KDM4B: variants seen among roughly 807,000 people sequenced by gnomAD.
The protein encoded by KDM4B is lysine-specific demethylase 4B.
In KDM4B, 32 loss-of-function variants were observed where a neutral mutation model predicts 125.2. The ratio of observed to expected loss-of-function variants is 0.26; its 90% CI spans 0.19 to 0.34. The LOEUF (loss-of-function observed/expected upper bound fraction) is 0.34. KDM4B is among the 10% of genes least tolerant of loss of function. The probability of loss-of-function intolerance (pLI) is 1.00; values close to 1 mark genes in which losing one functional copy is unlikely to be tolerated. For synonymous variants in KDM4B, 721 were observed against 677.9 expected, an observed-to-expected ratio of 1.06 and a Z score of -0.99; for missense variants, 1,190 against 1,577.7, an observed-to-expected ratio of 0.75 and a Z score of 4.16.
intron 3 of KDM4B, among the ~76,000 whole-genome samples, chr19:5,036,651 T>C (rs1251260877): frequency 1.3e-5 from 2 of 152,210 alleles, no homozygotes; most frequent in Non-Finnish European, 2.9e-5. Context: ...TGGCCTCAGC[T>C]GAATCTGGCC....
At chr19:5,056,574 T>A (rs1011613347) in intron 6 of KDM4B, among the ~76,000 whole-genome samples, 5 of 152,042 alleles carry the variant, frequency 3.3e-5, no homozygotes, top group African/African-American at 1.2e-4. Flanking sequence ...TTTGGCTGAT[T>A]TTTGTATTTT....
intron 6 of KDM4B, among the ~76,000 whole-genome samples, chr19:5,066,120 G>A (rs2037762187): frequency 2.0e-5 from 3 of 152,264 alleles, no homozygotes; most frequent in Non-Finnish European, 4.4e-5. Flanking sequence ...AGCCTCAGTT[G>A]CTCTCTGCTT....
At chr19:5,119,117 G>A in intron 10 of KDM4B, 1 of 1,520,582 alleles carries the variant, frequency 6.6e-7, no homozygotes, top group Non-Finnish European at 8.8e-7. Context: ...TTACATTCTA[G>A]ACAAATTAGT....
chr19:5,077,795 G>A lies in KDM4B; in HGVS notation c.780+325G>A, dbSNP rs907362710. ...GGCAGGGGCAGGCCCTGCTGACCTG[G>A]CAGGAAGCTGCCAAAGAAACAGAGG... On this transcript the variant is annotated intron_variant, in intron 8 of 22. Coordinates refer to ENST00000159111, the MANE Select transcript of KDM4B (RefSeq NM_015015.3). 4.3e-5 allele frequency: 13 copies of A among 300,000 alleles called. No individual in the cohort carries two copies. The East Asian group carries it at 8.6e-4, about 20-fold the overall frequency. The allele number at this position is 300,000 out of a possible 1,614,324, so 18.6% of individuals were successfully genotyped here.
At chr19:5,109,986 C>G (rs2039109426) in intron 9 of KDM4B, among the ~76,000 whole-genome samples, 1 of 152,236 alleles carries the variant, frequency 6.6e-6, no homozygotes. Flanking sequence ...CAGGAGGCAT[C>G]TGAACCTCAG....
At chr19:5,031,143 G>A (rs889562883) in intron 2 of KDM4B, among the ~76,000 whole-genome samples, 1 of 152,246 alleles carries the variant, frequency 6.6e-6, no homozygotes, top group African/African-American at 2.4e-5. Context: ...ACATCTGGGT[G>A]AGAGCGGGAG....
chr19:5,069,627 G>T (rs2037883455), intron 6 of KDM4B, among the ~76,000 whole-genome samples: 3 of 138,174 alleles, frequency 2.2e-5, no homozygotes, highest in Admixed American at 2.1e-4. Flanking sequence ...TTGTTTGTTT[G>T]TTTTGAGACA....
At chr19:5,119,157 T>C (rs1599224590) in intron 10 of KDM4B, 1 of 1,535,006 alleles carries the variant, frequency 6.5e-7, no homozygotes, top group Non-Finnish European at 8.7e-7. Context: ...GGAGAAAGAC[T>C]GAGGAGGAGA....
At position 5,082,289 on chromosome 19, in the gene KDM4B, T is replaced by C; in HGVS notation, c.781-78T>C. The C allele has an allele frequency of 6.4e-7, 1 of 1,571,906 alleles. No individual in the cohort carries two copies. On this transcript the variant is annotated intron_variant, in intron 8 of 22. Transcript: ENST00000159111. This position sits in a 1 kb window ranked among gnomAD's most constrained non-coding sequence, Gnocchi z 5.4. ...CTCATAAGCCAGGCTCCCTGGCACT[T>C]GCTGGGAAGTGCCCACGTCCCATCC...
At chr19:5,060,215 G>A (rs1190612773) in intron 6 of KDM4B, among the ~76,000 whole-genome samples, 4 of 152,022 alleles carry the variant, frequency 2.6e-5, no homozygotes, top group African/African-American at 7.2e-5. Context: ...CAAGGTGGGC[G>A]GATCACCTGA....
At chr19:5,084,335 T>C (rs1331194649) in intron 9 of KDM4B, among the ~76,000 whole-genome samples, 1 of 145,484 alleles carries the variant, frequency 6.9e-6, no homozygotes, top group Non-Finnish European at 1.5e-5. Flanking sequence ...TTGTATATAA[T>C]TTATATATTG....
intron 2 of KDM4B, among the ~76,000 whole-genome samples, chr19:5,029,450 C>T (rs1045212398): frequency 6.6e-6 from 1 of 152,228 alleles, no homozygotes; most frequent in Non-Finnish European, 1.5e-5. Context: ...CTGTGTTGCA[C>T]GTGCGTCAAG....
At chr19:5,066,892 A>AC (rs2037786591) in intron 6 of KDM4B, among the ~76,000 whole-genome samples, 1 of 151,958 alleles carries the variant, frequency 6.6e-6, no homozygotes, top group Non-Finnish European at 1.5e-5. Flanking sequence ...GGAGATGGAG[A>AC]CCCCGCTGGG....
chr19:5,027,940 C>T (rs370049204), intron 2 of KDM4B, among the ~76,000 whole-genome samples: 8 of 152,164 alleles, frequency 5.3e-5, no homozygotes, highest in African/African-American at 1.9e-4. Flanking sequence ...TCAGTATATT[C>T]AAAAACTTGT....
Position 5,035,891 on chromosome 19 carries a change from G to GCA in KDM4B, c.141+2861_141+2862insAC, listed in dbSNP as rs2036608808. 1.7e-5 allele frequency among the ~76,000 whole-genome samples: 2 copies of GCA among 120,850 alleles called. No homozygotes were observed. Among genetic ancestry groups the GCA allele is most frequent in the African/African-American group, 5.1e-5 (2 of 38,888 alleles). The allele number at this position is 120,850 out of a possible 152,430, so 79.3% of individuals were successfully genotyped here. A position where few individuals can be genotyped will look rare whatever the true frequency, so the allele number is the denominator to read the frequency against. ...TGTGTGTGTGTGTGTGCGCGCGCGC[G>GCA]CGCGCCTGCGCGCACAGGAGACTGA... On this transcript the variant is annotated intron_variant, in intron 3 of 22. Coordinates refer to ENST00000159111, the MANE Select transcript of KDM4B (RefSeq NM_015015.3). The surrounding 1 kb of genome is among the most constrained non-coding windows in gnomAD (Gnocchi z 5.3).
At chr19:5,119,145 C>T in intron 10 of KDM4B, 4 of 1,534,334 alleles carry the variant, frequency 2.6e-6, no homozygotes, top group Non-Finnish European at 3.5e-6. Context: ...AAAACAGACA[C>T]TGGAGAAAGA....
rs75652734 is a variant in KDM4B, at chr19:4,980,104, C to CA, written c.-109+10885dup. On this transcript the variant is annotated intron_variant, in intron 1 of 22. Coordinates refer to ENST00000159111, the MANE Select transcript of KDM4B (RefSeq NM_015015.3). ...TGGGTGACAGAGCAAGACCTTTTCT[C>CA]AAAAAAAAAAAGATACAATTTAGTG... 3.3e-4 allele frequency among the ~76,000 whole-genome samples: 49 copies of CA among 147,924 alleles called. No homozygotes were observed. In the East Asian group the frequency reaches 3.3e-3, roughly 10 times the overall value.
chr19:5,138,060 G>A lies in KDM4B; in HGVS notation c.2540G>A (p.Arg847Gln). 1 of 1,611,814 alleles carries A rather than the reference G, an allele frequency of 6.2e-7. No homozygotes were observed. The highest frequency in any genetic ancestry group is 8.5e-7 in the Non-Finnish European group (1 of 1,179,540). Residue 847 changes from arginine (R) to glutamine (Q), a missense_variant, in exon 18 of 23, where the codon CGG (arginine) becomes CAG (glutamine). Coordinates refer to ENST00000159111, the MANE Select transcript of KDM4B (RefSeq NM_015015.3). ...GACATCAGCGCCATCCCCGAGCAGC[G>A]GTGGAAGCTGGTAGGTCCTTGCGGT... ...PVDISAIPEQ[R>Q]WKLKCVYCRK...
intron 6 of KDM4B, among the ~76,000 whole-genome samples, chr19:5,060,101 G>A (rs1379497313): frequency 2.0e-5 from 3 of 152,214 alleles, no homozygotes; most frequent in African/African-American, 4.8e-5. Flanking sequence ...CTGGGCTCAT[G>A]TGGGAGCTGA....
Sources: gnomAD v4.1 joint callset for allele counts (sites outside exome capture counted in the v4.1 genomes callset) on GRCh38, gnomAD v4.1.1 for gene constraint, Gnocchi (gnomAD v3.1) non-coding constraint, MANE v1.5 for transcripts, NCBI Gene and HGNC (gene_info 2026-07-23, HGNC 2026-07-21) for gene names.